MYO3B: variants seen among roughly 807,000 people sequenced by gnomAD.
MYO3B encodes the protein myosin-IIIb.
In MYO3B, 156 loss-of-function variants were observed where a neutral mutation model predicts 174.6. The ratio of observed to expected loss-of-function variants is 0.89; its 90% CI spans 0.78 to 1.02. The LOEUF (loss-of-function observed/expected upper bound fraction) is 1.02, where lower values mean the gene tolerates loss of function less well. Ranked by LOEUF, MYO3B falls within the 50% of genes least tolerant of loss-of-function variation. The pLI is 0.00. For missense variants in MYO3B, 1,632 were observed against 1,639.4 expected, an observed-to-expected ratio of 1.00 and a Z score of 0.08; for synonymous variants, 563 against 569.1, an observed-to-expected ratio of 0.99 and a Z score of 0.15.
chr2:170,423,639 G>C (rs1346354239), intron 22 of MYO3B, among the ~76,000 whole-genome samples: 1 of 145,830 alleles, frequency 6.9e-6, no homozygotes, highest in South Asian at 2.2e-4. Flanking sequence ...AGAGTGCAGT[G>C]GTGCGATCTC....
At chr2:170,510,773 A>C (rs150989198) in intron 28 of MYO3B, among the ~76,000 whole-genome samples, 67 of 152,006 alleles carry the variant, frequency 4.4e-4, no homozygotes, top group African/African-American at 1.4e-3. Context: ...TTTCTGTCCT[A>C]TAGTCTTACC....
intron 7 of MYO3B, among the ~76,000 whole-genome samples, chr2:170,311,713 G>A (rs10209561): frequency 0.69 from 105,239 of 151,740 alleles, 39,424 homozygotes; most frequent in East Asian, 0.92. Flanking sequence ...ACCTCTATGC[G>A]TTCTTCTAAG....
At chr2:170,266,668 G>C (rs1473892732) in intron 7 of MYO3B, among the ~76,000 whole-genome samples, 1 of 152,212 alleles carries the variant, frequency 6.6e-6, no homozygotes, top group African/African-American at 2.4e-5. Context: ...GGGGTCTATA[G>C]TGAGTTCATA....
intron 32 of MYO3B, among the ~76,000 whole-genome samples, chr2:170,644,801 T>C (rs1216091676): frequency 2.0e-5 from 3 of 152,204 alleles, no homozygotes; most frequent in African/African-American, 4.8e-5. Flanking sequence ...AAGTAAGGAG[T>C]AGGCATTTGC....
At chr2:170,266,458 T>C (rs2093384195) in intron 7 of MYO3B, among the ~76,000 whole-genome samples, 4 of 152,224 alleles carry the variant, frequency 2.6e-5, no homozygotes, top group Admixed American at 2.0e-4. Context: ...CTAGAAATTA[T>C]AACTCTGGTT....
At chr2:170,216,670 T>A (rs1258149305) in intron 5 of MYO3B, among the ~76,000 whole-genome samples, 1 of 152,226 alleles carries the variant, frequency 6.6e-6, no homozygotes, top group Non-Finnish European at 1.5e-5. Context: ...TCCAGGCTTC[T>A]AGGCAAGATA....
At chr2:170,383,927 C>A (rs2094354540) in intron 12 of MYO3B, 113 bp downstream of exon 12, 1 of 799,662 alleles carries the variant, frequency 1.3e-6, no homozygotes, top group Non-Finnish European at 2.1e-6. Context: ...TGGTGCTGAC[C>A]CAAAGAGACA....
At chr2:170,477,486 T>C (rs186697186) in intron 25 of MYO3B, among the ~76,000 whole-genome samples, 2 of 152,204 alleles carry the variant, frequency 1.3e-5, no homozygotes, top group Admixed American at 6.5e-5. Flanking sequence ...TCACGTGTTA[T>C]GGTATCTGGC....
intron 5 of MYO3B, 39 bp from the exon 6 acceptor site, chr2:170,217,267 GTCTAGCATCATAC>G: frequency 6.6e-7 from 1 of 1,519,410 alleles, no homozygotes; most frequent in Non-Finnish European, 9.1e-7. Flanking sequence ...CCGATTGCTG[GTCTAGCATCATAC>G]TTTGCTCACT....
chr2:170,648,774 T>G (rs1239019192), intron 32 of MYO3B, among the ~76,000 whole-genome samples: 2 of 105,030 alleles, frequency 1.9e-5, no homozygotes, highest in African/African-American at 3.5e-5. Context: ...ATATAATATA[T>G]TCTATGTATT....
chr2:170,530,797 C>T (rs1689306751), intron 30 of MYO3B, among the ~76,000 whole-genome samples: 1 of 152,138 alleles, frequency 6.6e-6, no homozygotes, highest in Non-Finnish European at 1.5e-5. Flanking sequence ...TTCTCAGAAT[C>T]TGAAACTTCA....
intron 21 of MYO3B, among the ~76,000 whole-genome samples, chr2:170,406,134 A>G (rs2105810195): frequency 6.6e-6 from 1 of 152,298 alleles, no homozygotes; most frequent in East Asian, 1.9e-4. Context: ...CACTTTTCAT[A>G]CATTATGCCT....
chr2:170,595,166 G>A (rs75271650), intron 32 of MYO3B, among the ~76,000 whole-genome samples: 28,991 of 152,082 alleles, frequency 0.19, 3,242 homozygotes, highest in South Asian at 0.33. Flanking sequence ...GGTAACCATC[G>A]TTTTGCAGGG....
chr2:170,396,148 T>G (rs994703691), intron 16 of MYO3B, among the ~76,000 whole-genome samples: 48 of 152,122 alleles, frequency 3.2e-4, no homozygotes, highest in Non-Finnish European at 1.9e-4. Flanking sequence ...TATAGAAAGC[T>G]GAAAACTGGT....
At chr2:170,315,913 C>T (rs1017015274) in intron 7 of MYO3B, among the ~76,000 whole-genome samples, 2 of 152,184 alleles carry the variant, frequency 1.3e-5, no homozygotes, top group African/African-American at 4.8e-5. Flanking sequence ...GAACCCTGAT[C>T]CTGACAGATA....
At chr2:170,622,949 C>T (rs1175885115) in intron 32 of MYO3B, among the ~76,000 whole-genome samples, 1 of 152,170 alleles carries the variant, frequency 6.6e-6, no homozygotes, top group Non-Finnish European at 1.5e-5. Flanking sequence ...ATATATGCCA[C>T]ATTTTCTTAA....
chr2:170,300,994 T>C (rs1047251794), intron 7 of MYO3B, among the ~76,000 whole-genome samples: 1 of 152,226 alleles, frequency 6.6e-6, no homozygotes, highest in African/African-American at 2.4e-5. Flanking sequence ...GGTGCCAGCA[T>C]GTAGGCACAT....
intron 25 of MYO3B, among the ~76,000 whole-genome samples, chr2:170,484,798 GA>G (rs911729370): frequency 6.6e-6 from 1 of 151,840 alleles, no homozygotes; most frequent in African/African-American, 2.4e-5. Flanking sequence ...AACATGAAGG[GA>G]AAAAATTAAA....
chr2:170,546,565 A>G (rs1397255185), intron 32 of MYO3B, among the ~76,000 whole-genome samples: 1 of 152,252 alleles, frequency 6.6e-6, no homozygotes, highest in Non-Finnish European at 1.5e-5. Flanking sequence ...AGGAGAAGCA[A>G]AGGAAGTTTA....
Sources: gnomAD v4.1 joint callset for allele counts (sites outside exome capture counted in the v4.1 genomes callset) on GRCh38, gnomAD v4.1.1 for gene constraint, MANE v1.5 for transcripts, NCBI Gene and HGNC (gene_info 2026-07-23, HGNC 2026-07-21) for gene names.